Variants in MLC1 observed in about 807,000 individuals in gnomAD.
MLC1 encodes modulator of VRAC current 1.
Under a neutral mutation model 44.7 loss-of-function variants are expected in MLC1, and 32 were observed. That is an observed-to-expected ratio of 0.72 (90% confidence interval 0.54 to 0.96). The LOEUF (loss-of-function observed/expected upper bound fraction) is 0.96, where lower values mean the gene tolerates loss of function less well. MLC1 is among the 40% of genes least tolerant of loss of function. MLC1 has a pLI of 0.00. For missense variants in MLC1, 459 were observed against 492.2 expected (o/e 0.93, Z 0.64); for synonymous variants, 190 against 213.0 (o/e 0.89, Z 0.94).
At chr22:50,068,343 C>A (rs1332577863) in intron 10 of MLC1, 90 bp downstream of exon 10, 1 of 1,536,316 alleles carries the variant, frequency 6.5e-7, no homozygotes, top group East Asian at 2.3e-5. Flanking sequence ...GGAGCCAGCG[C>A]CCCCAGAGTC....
chr22:50,063,427 C>T (rs1360324906), intron 11 of MLC1, among the ~76,000 whole-genome samples: 2 of 147,650 alleles, frequency 1.4e-5, no homozygotes, highest in African/African-American at 2.5e-5. Flanking sequence ...GAGCCGTGAT[C>T]GCGCCACTGC....
chr22:50,073,092 T>C (rs878918979), intron 8 of MLC1, among the ~76,000 whole-genome samples: 82 of 115,576 alleles, frequency 7.1e-4, no homozygotes, highest in East Asian at 2.6e-3. Flanking sequence ...CACCCGGCCA[T>C]ACCATTCCCG....
Position 50,068,519 on chromosome 22 carries a change from G to A in MLC1, c.808C>T (p.Pro270Ser), listed in dbSNP as rs1486345207. 6.2e-7 allele frequency: 1 copy of A among 1,612,892 alleles called. No homozygotes were observed. Among genetic ancestry groups the A allele is most frequent in the Non-Finnish European group, 8.5e-7 (1 of 1,179,180 alleles). The change falls in exon 10 of 12, where the codon CCG (proline) becomes TCG (serine). Residue 270 changes from proline to serine, a missense_variant. By Grantham distance (74) the Pro-to-Ser change is moderately conservative (BLOSUM62 -1). Coordinates refer to ENST00000311597, the MANE Select transcript of MLC1 (RefSeq NM_015166.4). ...TATCCAGAGGCTGTGAACAGCAGCGGAGACGTGAGGCTGCTTATGGCAATC... is the reference window on the plus strand; with the variant it reads ...TATCCAGAGGCTGTGAACAGCAGCGAAGACGTGAGGCTGCTTATGGCAATC... ...VLIAISSLTS[P>S]LLFTASGYLS... is the part of the protein sequence containing the mutation.
At chr22:50,071,497 C>A (rs549644660) in intron 8 of MLC1, among the ~76,000 whole-genome samples, 286 of 152,254 alleles carry the variant, frequency 1.9e-3, no homozygotes, top group African/African-American at 6.6e-3. Context: ...TCGGGGAGTC[C>A]CTCAGCCTCT....
intron 2 of MLC1, 108 bp downstream of exon 2, chr22:50,084,618 C>A: frequency 8.2e-7 from 1 of 1,222,532 alleles, no homozygotes; most frequent in South Asian, 1.2e-5. Flanking sequence ...CAGGGTTAGT[C>A]TGAGAGTTGC....
At chr22:50,073,436 G>A (rs1404101745) in intron 8 of MLC1, among the ~76,000 whole-genome samples, 2 of 152,294 alleles carry the variant, frequency 1.3e-5, no homozygotes, top group Admixed American at 1.3e-4. Flanking sequence ...GGTGTGGAGG[G>A]GTTGCTCTAG....
At chr22:50,067,410 C>G (rs1389973508) in intron 10 of MLC1, among the ~76,000 whole-genome samples, 1 of 133,668 alleles carries the variant, frequency 7.5e-6, no homozygotes, top group Non-Finnish European at 1.6e-5. Flanking sequence ...CATCCCCCGT[C>G]AGGCAGTGAC....
chr22:50,076,726 G>A, intron 7 of MLC1, 115 bp downstream of exon 7: 1 of 1,061,620 alleles, frequency 9.4e-7, no homozygotes. Flanking sequence ...ACGCCGCCAT[G>A]CGGTGTAGAC....
chr22:50,075,602 C>T (rs1447595056), intron 7 of MLC1, among the ~76,000 whole-genome samples: 4 of 151,502 alleles, frequency 2.6e-5, no homozygotes, highest in East Asian at 1.9e-4. Context: ...CCCAGCTACT[C>T]GGGAGGCTGA....
Position 50,061,152 on chromosome 22 carries a change from G to A in MLC1, c.*431C>T, listed in dbSNP as rs114598884. ...TGAGTACCCGGGACAGACCCTAAGC[G>A]TGGAGGGAGGAAGCCCGGTCAGAGT... On this transcript the variant is annotated 3_prime_UTR_variant, in exon 12 of 12. Transcript: ENST00000311597. The A allele has an allele frequency of 3.3e-3, 953 of 286,312 alleles. 4 individuals are homozygous for A. Among genetic ancestry groups the A allele is most frequent in the African/African-American group, 0.017 (764 of 46,072 alleles). 17.7% of individuals were successfully genotyped at this position (286,312 alleles called of 1,614,324 possible).
chr22:50,078,736 CAAA>C (rs879341455), intron 5 of MLC1, among the ~76,000 whole-genome samples: 1 of 95,870 alleles, frequency 1.0e-5, no homozygotes. Flanking sequence ...GAGACTGTCT[CAAA>C]AAAAAAAAAA....
rs2146938272 is a variant in MLC1, at chr22:50,083,839, TC to T, written c.178-667del. On this transcript the variant is annotated intron_variant, in intron 2 of 11. Coordinates refer to ENST00000311597, the MANE Select transcript of MLC1 (RefSeq NM_015166.4). The surrounding 1 kb of genome is among the most constrained non-coding windows in gnomAD (Gnocchi z 4.6). Reference sequence around the variant, plus strand: ...GAAGCGAGGTCTGGGGCAGAGGGGATCTGGCCTGGGCGGGGGAGGGGCTGCG... The same window carrying T: ...GAAGCGAGGTCTGGGGCAGAGGGGATTGGCCTGGGCGGGGGAGGGGCTGCG... Among the ~76,000 whole-genome samples the T allele has an allele frequency of 6.6e-6, 1 of 152,096 alleles. No homozygotes were observed. The highest frequency in any genetic ancestry group is 1.9e-4 in the East Asian group (1 of 5,164).
At chr22:50,081,920 C>T (rs1450257703) in intron 3 of MLC1, among the ~76,000 whole-genome samples, 5 of 152,256 alleles carry the variant, frequency 3.3e-5, no homozygotes, top group Admixed American at 2.0e-4. Context: ...ATAAAGGCCA[C>T]GGAGAAGCTT....
chr22:50,078,424 C>T (rs1217544696), intron 5 of MLC1, among the ~76,000 whole-genome samples: 2 of 152,246 alleles, frequency 1.3e-5, no homozygotes, highest in South Asian at 2.1e-4. Flanking sequence ...TGGGGAAGGA[C>T]TTGAAACACT....
chr22:50,085,307 G>A (rs983372747), intron 1 of MLC1, 48 bp downstream of exon 1: 4 of 759,998 alleles, frequency 5.3e-6, no homozygotes, highest in Non-Finnish European at 7.0e-6. Flanking sequence ...CTAAACGAGA[G>A]ATTGCAAAAC....
chr22:50,068,953 C>T (rs541118437), intron 9 of MLC1, among the ~76,000 whole-genome samples: 4 of 151,944 alleles, frequency 2.6e-5, no homozygotes, highest in Non-Finnish European at 5.9e-5. Context: ...TCTTGAACTC[C>T]TGACCTCAGG....
At chr22:50,084,476 C>T (rs562814355) in intron 2 of MLC1, among the ~76,000 whole-genome samples, 2 of 152,332 alleles carry the variant, frequency 1.3e-5, no homozygotes, top group South Asian at 4.1e-4. Flanking sequence ...TGGGACTGTC[C>T]CTACCCTGGT....
intron 5 of MLC1, among the ~76,000 whole-genome samples, chr22:50,078,312 TA>T (rs1283392267): frequency 6.6e-6 from 1 of 151,932 alleles, no homozygotes; most frequent in Non-Finnish European, 1.5e-5. Flanking sequence ...AAAATACATT[TA>T]AAAAAGAAAG....
At chr22:50,064,261 C>T (rs2061656802) in intron 10 of MLC1, 63 bp from the exon 11 acceptor site, 2 of 1,538,502 alleles carry the variant, frequency 1.3e-6, no homozygotes, top group South Asian at 2.4e-5. Context: ...GAGACCAAAG[C>T]TCCCTCGTGC....
Sources: allele counts gnomAD v4.1 joint callset (sites outside exome capture counted in the v4.1 genomes callset), GRCh38; gene constraint gnomAD v4.1.1; non-coding constraint Gnocchi (gnomAD v3.1); transcripts MANE v1.5; gene names NCBI Gene and HGNC (gene_info 2026-07-23, HGNC 2026-07-21).